NTN4: variants seen among roughly 807,000 people sequenced by gnomAD.
NTN4 encodes the protein netrin-4.
A neutral mutation model predicts 73.6 loss-of-function variants in NTN4; 32 were observed. The observed-to-expected ratio is 0.44, with a 90% confidence interval of 0.33 to 0.58. The LOEUF is 0.58. Among genes scored for constraint, NTN4 ranks in the 20% least tolerant of loss-of-function variants. NTN4 has a pLI of 0.04. For missense variants in NTN4, 654 were observed against 798.3 expected, an observed-to-expected ratio of 0.82 and a Z score of 2.18; for synonymous variants, 258 against 287.5, an observed-to-expected ratio of 0.90 and a Z score of 1.04.
intron 7 of NTN4, among the ~76,000 whole-genome samples, chr12:95,675,528 A>G (rs2078266694): frequency 6.6e-6 from 1 of 152,206 alleles, no homozygotes. Flanking sequence ...AACTTTGTGA[A>G]TTCATACTTC....
chr12:95,735,605 T>C (rs1200933502), intron 3 of NTN4, among the ~76,000 whole-genome samples: 1 of 152,228 alleles, frequency 6.6e-6, no homozygotes, highest in Non-Finnish European at 1.5e-5. Context: ...CCTTTTGGAA[T>C]GGAAAAACAC....
intron 2 of NTN4, among the ~76,000 whole-genome samples, chr12:95,753,304 A>G (rs1287252586): frequency 7.1e-6 from 1 of 140,176 alleles, no homozygotes; most frequent in Non-Finnish European, 1.6e-5. Flanking sequence ...CTATTCTACT[A>G]CTCCTCAGGG....
At chr12:95,693,031 T>C (rs1205900953) in intron 5 of NTN4, among the ~76,000 whole-genome samples, 1 of 152,124 alleles carries the variant, frequency 6.6e-6, no homozygotes, top group Non-Finnish European at 1.5e-5. Context: ...ATTATCTAGA[T>C]GAAACGTATT....
chr12:95,689,345 C>T (rs1249025946), intron 5 of NTN4, among the ~76,000 whole-genome samples: 1 of 152,074 alleles, frequency 6.6e-6, no homozygotes, highest in African/African-American at 2.4e-5. Context: ...CCTACTTTTC[C>T]AGTCCTTCCT....
intron 5 of NTN4, among the ~76,000 whole-genome samples, chr12:95,698,358 C>T (rs2078457623): frequency 1.3e-5 from 2 of 152,332 alleles, no homozygotes; most frequent in South Asian, 2.1e-4. Context: ...CTAATTTTGT[C>T]CAGACCTTCT....
At chr12:95,701,168 A>G (rs764954384) in intron 5 of NTN4, among the ~76,000 whole-genome samples, 63 of 152,242 alleles carry the variant, frequency 4.1e-4, no homozygotes, top group African/African-American at 1.4e-3. Context: ...ATAGGTTACC[A>G]AAGTCACATA....
At chr12:95,698,062 G>T (rs1297359157) in intron 5 of NTN4, among the ~76,000 whole-genome samples, 1 of 152,136 alleles carries the variant, frequency 6.6e-6, no homozygotes, top group Admixed American at 6.5e-5. Context: ...ATACAGGGGG[G>T]TGTGCATAGG....
intron 5 of NTN4, among the ~76,000 whole-genome samples, chr12:95,687,176 C>CATTATT (rs113122304): frequency 0.87 from 132,431 of 151,734 alleles, 57,967 homozygotes; most frequent in East Asian, 0.97. Context: ...CACAGTGCAT[C>CATTATT]ATTATTATTT....
chr12:95,760,255 G>A (rs7134490), intron 2 of NTN4, among the ~76,000 whole-genome samples: 83,699 of 151,858 alleles, frequency 0.55, 23,303 homozygotes, highest in East Asian at 0.68. Context: ...AGGTCTTTCC[G>A]GTCCAGACAG....
At position 95,790,219 on chromosome 12, in the gene NTN4, G is replaced by C; in HGVS notation, c.55+36C>G. ...CCGAGATGGGTTAGAGAAGCAGCGA[G>C]GGAAGGGGTGGGGGCCCCGCCGCGT... is the stretch of plus-strand genomic sequence containing the variant. On this transcript the variant is annotated intron_variant, in intron 1 of 9. Transcript: ENST00000343702. This position sits in a 1 kb window ranked among gnomAD's most constrained non-coding sequence, Gnocchi z 6.5. 1 of 1,517,198 alleles carries C rather than the reference G, an allele frequency of 6.6e-7. No individual in the cohort carries two copies. The highest frequency in any genetic ancestry group is 8.9e-7 in the Non-Finnish European group (1 of 1,129,496). The allele number at this position is 1,517,198 out of a possible 1,614,324, so 94.0% of individuals were successfully genotyped here.
At chr12:95,737,145 G>A (rs1225861262) in intron 3 of NTN4, among the ~76,000 whole-genome samples, 1 of 152,128 alleles carries the variant, frequency 6.6e-6, no homozygotes, top group African/African-American at 2.4e-5. Context: ...TCTGGAAGTC[G>A]GGGAGGTAAG....
chr12:95,675,326 G>A (rs1592657112), intron 7 of NTN4, among the ~76,000 whole-genome samples: 1 of 152,300 alleles, frequency 6.6e-6, no homozygotes, highest in South Asian at 2.1e-4. Flanking sequence ...CTTGATTCTT[G>A]AAGGGTCCAT....
At chr12:95,759,594 G>A (rs566241516) in intron 2 of NTN4, among the ~76,000 whole-genome samples, 1 of 150,172 alleles carries the variant, frequency 6.7e-6, no homozygotes, top group East Asian at 2.0e-4. Context: ...TTGAGTAGCT[G>A]GGATTACAGA....
intron 2 of NTN4, among the ~76,000 whole-genome samples, chr12:95,759,881 G>A (rs531511594): frequency 1.2e-4 from 19 of 152,194 alleles, no homozygotes; most frequent in African/African-American, 4.3e-4. Context: ...TTGAACATAC[G>A]GAGTATATTT....
rs142959666 is a variant in NTN4, at chr12:95,682,795, T to C, written c.1422A>G (p.Glu474=). 8.1e-6 allele frequency: 13 copies of C among 1,613,292 alleles called. No homozygotes were observed. The African/African-American group carries it at 1.3e-4, about 17-fold the overall frequency. ...SSHTDIDWYH[E]VPDFRPVHNK... ...TGTGCACGGGACGGAAGTCAGGAAC[T>C]TCATGATACCAGTCTATGTCTGTGT... The change falls in exon 7 of 10, where the codon GAA becomes GAG. Residue 474 remains glutamate (E), a synonymous_variant. Transcript: ENST00000343702.
intron 7 of NTN4, chr12:95,671,277 G>C (rs1400050610): frequency 6.6e-6 from 1 of 152,490 alleles, no homozygotes; most frequent in Non-Finnish European, 1.5e-5. Flanking sequence ...GGGATTACAG[G>C]TGTGAGCCAC....
chr12:95,772,826 A>C (rs2121275817), intron 2 of NTN4, among the ~76,000 whole-genome samples: 1 of 152,188 alleles, frequency 6.6e-6, no homozygotes, highest in Non-Finnish European at 1.5e-5. Context: ...TGCACCATCA[A>C]GTCTAGTCTG....
intron 2 of NTN4, among the ~76,000 whole-genome samples, chr12:95,779,826 C>CA (rs1467657185): frequency 6.6e-6 from 1 of 152,046 alleles, no homozygotes; most frequent in African/African-American, 2.4e-5. Context: ...CATATGGAAC[C>CA]AAAAAAGAGC....
intron 5 of NTN4, among the ~76,000 whole-genome samples, chr12:95,697,597 TA>T (rs1329031164): frequency 5.9e-5 from 9 of 152,066 alleles, no homozygotes; most frequent in Non-Finnish European, 1.2e-4. Flanking sequence ...TATTTATCAG[TA>T]AGCAGGGCCT....
Sources: gnomAD v4.1 joint callset for allele counts (sites outside exome capture counted in the v4.1 genomes callset) on GRCh38, gnomAD v4.1.1 for gene constraint, Gnocchi (gnomAD v3.1) non-coding constraint, MANE v1.5 for transcripts, NCBI Gene and HGNC (gene_info 2026-07-23, HGNC 2026-07-21) for gene names.